Variants in PTPRG observed in about 807,000 individuals in gnomAD.
PTPRG encodes receptor-type tyrosine-protein phosphatase gamma.
In PTPRG, 102 loss-of-function variants were observed where a neutral mutation model predicts 165.3. The ratio of observed to expected loss-of-function variants is 0.62; its 90% CI spans 0.53 to 0.73. The LOEUF is 0.73. Ranked by LOEUF, PTPRG falls within the 30% of genes least tolerant of loss-of-function variation. PTPRG has a pLI of 0.00. For synonymous variants in PTPRG, 675 were observed against 669.5 expected (o/e 1.01, Z -0.13); for missense variants, 1,866 against 1,861.4 (o/e 1.00, Z -0.05).
At chr3:62,019,896 T>C (rs565937539) in intron 4 of PTPRG, among the ~76,000 whole-genome samples, 3 of 152,326 alleles carry the variant, frequency 2.0e-5, no homozygotes, top group Admixed American at 6.5e-5. Context: ...AATCATCACT[T>C]ATTAAAAACA....
chr3:61,562,233 CTTA>C lies in PTPRG; in HGVS notation c.-52_-50del. On this transcript the variant is annotated 5_prime_UTR_variant, in exon 1 of 30. Coordinates refer to ENST00000474889, the MANE Select transcript of PTPRG (RefSeq NM_002841.4). The stretch of plus-strand genomic sequence containing the variant: ...GCGGAGGCTCGCACGGAGGCAAGAA[CTTA>C]TTCAACAAGTTTACCTCCCTGCTTT... 1.3e-6 allele frequency: 2 copies of C among 1,520,378 alleles called. No individual in the cohort carries two copies. Among genetic ancestry groups the C allele is most frequent in the Non-Finnish European group, 1.8e-6 (2 of 1,096,808 alleles). 94.2% of individuals were successfully genotyped at this position (1,520,378 alleles called of 1,614,324 possible). A position where few individuals can be genotyped will look rare whatever the true frequency, so the allele number is the denominator to read the frequency against.
intron 2 of PTPRG, among the ~76,000 whole-genome samples, chr3:61,820,601 C>CTTTTTTTTTTTTTTT (rs2035921425): frequency 1.0e-5 from 1 of 98,670 alleles, no homozygotes; most frequent in Non-Finnish European, 1.9e-5. Flanking sequence ...TCCTGTGTCT[C>CTTTTTTTTTTTTTTT]TGTTTTTTTT....
At position 62,296,571 on chromosome 3, in the gene PTPRG, A is replaced by C. The variant is rs927814171; in HGVS notation, c.*3264A>C. The C allele has an allele frequency of 2.9e-4, 44 of 151,936 alleles. No homozygotes were observed. The highest frequency in any genetic ancestry group is 1.1e-3 in the African/African-American group (44 of 41,506). 9.4% of individuals were successfully genotyped at this position (151,936 alleles called of 1,614,324 possible). On this transcript the variant is annotated 3_prime_UTR_variant, in exon 30 of 30. Coordinates refer to ENST00000474889, the MANE Select transcript of PTPRG (RefSeq NM_002841.4). ...TAAGAATTTAGTGGTTATACTGGAA[A>C]TGCATTTTCAACTCCTATGTTCTAA...
At chr3:61,581,795 A>C (rs998265860) in intron 1 of PTPRG, among the ~76,000 whole-genome samples, 10 of 151,682 alleles carry the variant, frequency 6.6e-5, no homozygotes, top group Admixed American at 3.3e-4. Context: ...TTTTTAGTAG[A>C]GACAGGATTC....
intron 5 of PTPRG, among the ~76,000 whole-genome samples, chr3:62,088,118 T>G (rs1575987432): frequency 6.6e-6 from 1 of 152,076 alleles, no homozygotes; most frequent in East Asian, 1.9e-4. Context: ...GGAATGGGGG[T>G]TTTGCCCCAC....
chr3:61,764,472 A>C (rs1047676377), intron 2 of PTPRG, among the ~76,000 whole-genome samples: 9 of 152,220 alleles, frequency 5.9e-5, no homozygotes, highest in African/African-American at 2.4e-5. Context: ...AGCATATACA[A>C]AGTAACATGT....
At chr3:61,718,976 A>T (rs2031936473) in intron 1 of PTPRG, among the ~76,000 whole-genome samples, 1 of 152,132 alleles carries the variant, frequency 6.6e-6, no homozygotes, top group Non-Finnish European at 1.5e-5. Flanking sequence ...GACTTAATGG[A>T]TTGTCCCCAA....
Position 62,243,893 on chromosome 3 carries a change from T to C in PTPRG, c.2462T>C (p.Ile821Thr). ...AATGAAAGTATCCCTATTATTCCTATTCCGGGTAAGTAAGACACTGCTCTT... is the reference window on the plus strand; with the variant it reads ...AATGAAAGTATCCCTATTATTCCTACTCCGGGTAAGTAAGACACTGCTCTT... Reference protein sequence around the residue: ...VPNESIPIIPIPDDMEAIPVK... With the variant: ...VPNESIPIIPTPDDMEAIPVK... Residue 821 changes from isoleucine (I) to threonine (T), a missense_variant, in exon 15 of 30, where the codon ATT becomes ACT. Ile to Thr is a moderately conservative substitution (Grantham distance 89). Transcript: ENST00000474889. 1 of 1,525,986 alleles carries C rather than the reference T, an allele frequency of 6.6e-7. No homozygotes were observed. Among genetic ancestry groups the C allele is most frequent in the Non-Finnish European group, 9.1e-7 (1 of 1,102,094 alleles). 94.5% of individuals were successfully genotyped at this position (1,525,986 alleles called of 1,614,324 possible).
Position 62,218,781 on chromosome 3 carries a change from A to T in PTPRG, c.2156-70A>T. 2.0e-6 allele frequency: 3 copies of T among 1,529,028 alleles called. No individual in the cohort carries two copies. The South Asian group carries it at 3.8e-5, about 19-fold the overall frequency. 94.7% of individuals were successfully genotyped at this position (1,529,028 alleles called of 1,614,324 possible). On this transcript the variant is annotated intron_variant, in intron 12 of 29. Transcript: ENST00000474889. ...AGAAACCACACAAAACTGGAACAGA[A>T]CTCTGCATCAATTCTGGCTCCCACC...
At chr3:61,853,223 G>C (rs1034013260) in intron 2 of PTPRG, among the ~76,000 whole-genome samples, 1 of 152,220 alleles carries the variant, frequency 6.6e-6, no homozygotes, top group Non-Finnish European at 1.5e-5. Flanking sequence ...GAGAAGGTGT[G>C]TGCGAGGTTC....
intron 1 of PTPRG, among the ~76,000 whole-genome samples, chr3:61,729,438 T>C (rs1226740558): frequency 1.3e-5 from 2 of 152,214 alleles, no homozygotes; most frequent in African/African-American, 4.8e-5. Flanking sequence ...CCGTGTTTGC[T>C]CTGGGTTGAT....
At chr3:61,878,260 T>G (rs1427880180) in intron 2 of PTPRG, among the ~76,000 whole-genome samples, 1 of 152,196 alleles carries the variant, frequency 6.6e-6, no homozygotes, top group African/African-American at 2.4e-5. Flanking sequence ...CCATTTGCCC[T>G]GCTGTGCCTT....
At chr3:62,060,252 G>T (rs551957075) in intron 4 of PTPRG, among the ~76,000 whole-genome samples, 11 of 151,248 alleles carry the variant, frequency 7.3e-5, no homozygotes, top group Non-Finnish European at 1.3e-4. Context: ...CTGATTTCCT[G>T]TATCTTGATG....
chr3:61,630,624 C>A (rs915733036), intron 1 of PTPRG, among the ~76,000 whole-genome samples: 3 of 152,150 alleles, frequency 2.0e-5, no homozygotes, highest in Non-Finnish European at 4.4e-5. Context: ...AGCTGACATT[C>A]ATTGCAATGT....
chr3:62,108,032 A>G (rs1044106641), intron 5 of PTPRG, among the ~76,000 whole-genome samples: 2 of 148,158 alleles, frequency 1.3e-5, no homozygotes, highest in African/African-American at 2.5e-5. Flanking sequence ...CCCTGGAAAC[A>G]TTTCTCTCTC....
chr3:61,919,606 G>C (rs986787067), intron 2 of PTPRG, among the ~76,000 whole-genome samples: 2 of 152,094 alleles, frequency 1.3e-5, no homozygotes, highest in Non-Finnish European at 2.9e-5. Context: ...ATGGACAAAT[G>C]GGAATGGTCC....
At chr3:61,606,781 G>C (rs1432921774) in intron 1 of PTPRG, among the ~76,000 whole-genome samples, 1 of 152,134 alleles carries the variant, frequency 6.6e-6, no homozygotes, top group Admixed American at 6.6e-5. Context: ...TTTTATAAGG[G>C]CCTTAATTTT....
In PTPRG at chr3:62,044,261, G is replaced by A. The variant is rs902263496; in HGVS notation, c.520-33902G>A. 3.3e-5 allele frequency among the ~76,000 whole-genome samples: 5 copies of A among 152,218 alleles called. No homozygotes were observed. In the East Asian group the frequency reaches 9.6e-4, roughly 29 times the overall value. ...TCTATTTTGAAAATGGCTCTTGGCC[G>A]GGTGTGGTGGCTCACGCCTGTAATC... On this transcript the variant is annotated intron_variant, in intron 4 of 29. Coordinates refer to ENST00000474889, the MANE Select transcript of PTPRG (RefSeq NM_002841.4).
intron 2 of PTPRG, among the ~76,000 whole-genome samples, chr3:61,826,438 C>G (rs1195908819): frequency 6.6e-6 from 1 of 152,056 alleles, no homozygotes; most frequent in Non-Finnish European, 1.5e-5. Context: ...TTTATCCTTT[C>G]ACCTGACCCT....
Sources: allele counts gnomAD v4.1 joint callset (sites outside exome capture counted in the v4.1 genomes callset), GRCh38; gene constraint gnomAD v4.1.1; transcripts MANE v1.5; gene names NCBI Gene and HGNC (gene_info 2026-07-23, HGNC 2026-07-21).